PINX1: variants seen among roughly 807,000 people sequenced by gnomAD.
PINX1 encodes PIN2/TERF1-interacting telomerase inhibitor 1.
Under a neutral mutation model 25.4 loss-of-function variants are expected in PINX1, and 34 were observed. The ratio of observed to expected loss-of-function variants is 1.34; its 90% CI spans 1.02 to 1.78. The LOEUF is 1.78. Among genes scored for constraint, PINX1 ranks in the 40% most tolerant of loss-of-function variants. PINX1 has a pLI of 0.00. For missense variants in PINX1, 592 were observed against 404.9 expected (o/e 1.46, Z -3.97); for synonymous variants, 197 against 147.7 (o/e 1.33, Z -2.42).
In PINX1 at chr8:10,765,564, T is replaced by C. The variant is rs1358365154; in HGVS notation, c.824A>G (p.Gln275Arg). The change falls in exon 7 of 7, where the codon CAG (glutamine) becomes CGG (arginine). Residue 275 changes from glutamine to arginine, a missense_variant. Coordinates refer to ENST00000314787, the MANE Select transcript of PINX1 (RefSeq NM_017884.6). ...CGGCTGCACATGGTCCCCTGCATCC[T>C]GAGCAGAGGCCTTGGAACTCTGGTC... is the stretch of plus-strand genomic sequence containing the variant. ...CWDQSSKASA[Q>R]DAGDHVQPPE... 1.2e-6 allele frequency: 2 copies of C among 1,613,660 alleles called. No individual in the cohort carries two copies. The highest frequency in any genetic ancestry group is 1.7e-6 in the Non-Finnish European group (2 of 1,179,894).
chr8:10,834,036 G>C (rs980256441), intron 2 of PINX1, among the ~76,000 whole-genome samples: 5 of 152,164 alleles, frequency 3.3e-5, no homozygotes, highest in African/African-American at 1.2e-4. Context: ...ACAGTTCCCA[G>C]ACTTTAGCTA....
chr8:10,777,466 C>T (rs1801429225), intron 6 of PINX1, among the ~76,000 whole-genome samples: 1 of 152,172 alleles, frequency 6.6e-6, no homozygotes, highest in South Asian at 2.1e-4. Context: ...ATTCTGTCCT[C>T]GGCACCTTAT....
At chr8:10,820,071 C>G (rs1399621570) in intron 6 of PINX1, 122 bp downstream of exon 6, 2 of 693,356 alleles carry the variant, frequency 2.9e-6, no homozygotes, top group Non-Finnish European at 5.3e-6. Flanking sequence ...GTGCATGAAG[C>G]CTCCAAAGTG....
chr8:10,806,886 A>G (rs970954356), intron 6 of PINX1, among the ~76,000 whole-genome samples: 3 of 152,156 alleles, frequency 2.0e-5, no homozygotes, highest in African/African-American at 7.2e-5. Context: ...TAGAGAAGCC[A>G]AGCCCCAGTG....
In PINX1 at chr8:10,765,345, C is replaced by G. The variant is rs968411380; in HGVS notation, c.*56G>C. 10 of 1,472,826 alleles carry G rather than the reference C, an allele frequency of 6.8e-6. No individual in the cohort carries two copies. In the African/African-American group the frequency reaches 1.3e-4, roughly 19 times the overall value. 91.2% of individuals were successfully genotyped at this position (1,472,826 alleles called of 1,614,324 possible). ...TGCTGTGACTTCAGGCCAGAGGTGTCTGCCCCCGCAGTGCCCTGACAGCTG... is the reference window on the plus strand; with the variant it reads ...TGCTGTGACTTCAGGCCAGAGGTGTGTGCCCCCGCAGTGCCCTGACAGCTG... On this transcript the variant is annotated 3_prime_UTR_variant, in exon 7 of 7. Coordinates refer to ENST00000314787, the MANE Select transcript of PINX1 (RefSeq NM_017884.6).
chr8:10,796,683 T>G (rs1802094626), intron 6 of PINX1, among the ~76,000 whole-genome samples: 1 of 152,098 alleles, frequency 6.6e-6, no homozygotes, highest in African/African-American at 2.4e-5. Context: ...TCTGCGATTT[T>G]TTCCCCTTAG....
In PINX1 at chr8:10,787,677, G is replaced by A. The variant is rs1022691076; in HGVS notation, c.472-21761C>T. ...TTAAGGATAAATGTGGATTCAGCAG[G>A]GATGGTAATCTATGTGGTTAAAGTG... On this transcript the variant is annotated intron_variant, in intron 6 of 6. Transcript: ENST00000314787. 6 of 357,400 alleles carry A rather than the reference G, an allele frequency of 1.7e-5. No homozygotes were observed. The Admixed American group carries it at 2.3e-4, about 14-fold the overall frequency. The allele number at this position is 357,400 out of a possible 1,614,324, so 22.1% of individuals were successfully genotyped here.
intron 6 of PINX1, among the ~76,000 whole-genome samples, chr8:10,792,032 G>A (rs532747628): frequency 9.2e-5 from 14 of 152,250 alleles, no homozygotes; most frequent in Non-Finnish European, 1.6e-4. Flanking sequence ...CCTCTCTCCC[G>A]CTCAGGACCA....
intron 4 of PINX1, among the ~76,000 whole-genome samples, chr8:10,828,350 G>A (rs555836447): frequency 7.8e-4 from 119 of 152,262 alleles, no homozygotes; most frequent in African/African-American, 2.6e-3. Context: ...GGCTCCTACC[G>A]ACTGCAAGTG....
At chr8:10,779,923 A>T (rs1801529132) in intron 6 of PINX1, among the ~76,000 whole-genome samples, 1 of 152,196 alleles carries the variant, frequency 6.6e-6, no homozygotes, top group African/African-American at 2.4e-5. Context: ...GACGACTCCA[A>T]GTGTGGGGCA....
At chr8:10,813,712 T>C (rs1335834415) in intron 6 of PINX1, among the ~76,000 whole-genome samples, 1 of 151,760 alleles carries the variant, frequency 6.6e-6, no homozygotes, top group Non-Finnish European at 1.5e-5. Context: ...GTTAGAGAGG[T>C]GAAGAAAAGG....
At chr8:10,782,252 T>C (rs1310057543) in intron 6 of PINX1, among the ~76,000 whole-genome samples, 3 of 151,980 alleles carry the variant, frequency 2.0e-5, no homozygotes, top group Admixed American at 6.6e-5. Flanking sequence ...CTTAGCTCTC[T>C]GCACTTCAGA....
intron 6 of PINX1, among the ~76,000 whole-genome samples, chr8:10,775,410 GTTTTTTTTTTTT>G (rs143926728): frequency 1.2e-4 from 13 of 109,592 alleles, no homozygotes; most frequent in African/African-American, 1.6e-4. Context: ...CTGTTTTGTG[GTTTTTTTTTTTT>G]TTTTTTTTTT....
Position 10,765,325 on chromosome 8 carries a change from T to G in PINX1, c.*76A>C. 1 of 1,376,448 alleles carries G rather than the reference T, an allele frequency of 7.3e-7. No homozygotes were observed. The highest frequency in any genetic ancestry group is 1.5e-5 in the South Asian group (1 of 67,698). The allele number at this position is 1,376,448 out of a possible 1,614,324, so 85.3% of individuals were successfully genotyped here. ...AGGCGCTCTGGGGTGAACTCTGCTG[T>G]GACTTCAGGCCAGAGGTGTCTGCCC... On this transcript the variant is annotated 3_prime_UTR_variant, in exon 7 of 7. Coordinates refer to ENST00000314787, the MANE Select transcript of PINX1 (RefSeq NM_017884.6).
At chr8:10,831,493 C>T (rs1006091692) in intron 4 of PINX1, among the ~76,000 whole-genome samples, 172 bp downstream of exon 4, 1 of 152,134 alleles carries the variant, frequency 6.6e-6, no homozygotes, top group Admixed American at 6.5e-5. Flanking sequence ...ATGCTAATTA[C>T]GTTGATGAAC....
intron 5 of PINX1, 166 bp from the exon 6 acceptor site, chr8:10,820,435 G>A (rs992188380): frequency 2.9e-5 from 19 of 661,120 alleles, no homozygotes; most frequent in African/African-American, 2.5e-4. Context: ...TCTTTCATTA[G>A]TAAACAAAAT....
intron 6 of PINX1, among the ~76,000 whole-genome samples, chr8:10,812,871 A>T (rs563791773): frequency 1.3e-5 from 2 of 152,208 alleles, no homozygotes; most frequent in African/African-American, 4.8e-5. Context: ...ACCAGACACA[A>T]TTTGGCTTAG....
At chr8:10,792,149 G>A (rs1021847116) in intron 6 of PINX1, among the ~76,000 whole-genome samples, 1 of 152,148 alleles carries the variant, frequency 6.6e-6, no homozygotes, top group East Asian at 1.9e-4. Context: ...CCTCTCATTG[G>A]ATGACAGCAG....
At chr8:10,825,943 G>A (rs1434700287) in intron 5 of PINX1, among the ~76,000 whole-genome samples, 1 of 152,170 alleles carries the variant, frequency 6.6e-6, no homozygotes, top group East Asian at 1.9e-4. Flanking sequence ...CCTAATCTGG[G>A]TCCCATCTCA....
Sources: gnomAD v4.1 joint callset for allele counts (sites outside exome capture counted in the v4.1 genomes callset) on GRCh38, gnomAD v4.1.1 for gene constraint, MANE v1.5 for transcripts, NCBI Gene and HGNC (gene_info 2026-07-23, HGNC 2026-07-21) for gene names.